VWC2: variants seen among roughly 807,000 people sequenced by gnomAD.
VWC2 encodes von Willebrand factor C domain containing 2, also known as brorin.
VWC2 carries 14 observed loss-of-function variants against 29.8 expected under a neutral mutation model. The ratio of observed to expected loss-of-function variants is 0.47; its 90% CI spans 0.31 to 0.74. The LOEUF is 0.74. Ranked by LOEUF, VWC2 falls within the 30% of genes least tolerant of loss-of-function variation. The pLI is 0.05. For synonymous variants in VWC2, 213 were observed against 199.0 expected (o/e 1.07, Z -0.59); for missense variants, 457 against 459.8 (o/e 0.99, Z 0.05).
chr7:49,846,946 G>C (rs761756756), intron 3 of VWC2, among the ~76,000 whole-genome samples: 6 of 152,200 alleles, frequency 3.9e-5, no homozygotes, highest in Non-Finnish European at 8.8e-5. Context: ...TTAGCAGTTT[G>C]ACAGATTGCA....
chr7:49,877,280 G>A (rs1329944261), intron 3 of VWC2, among the ~76,000 whole-genome samples: 1 of 150,792 alleles, frequency 6.6e-6, no homozygotes, highest in African/African-American at 2.4e-5. Flanking sequence ...TGGCCAACAT[G>A]GGGGAGCCCC....
chr7:49,828,512 A>G (rs1356307699), intron 3 of VWC2, among the ~76,000 whole-genome samples: 1 of 152,180 alleles, frequency 6.6e-6, no homozygotes, highest in African/African-American at 2.4e-5. Flanking sequence ...TAGTTGCTAA[A>G]CATCCTCACC....
chr7:49,885,938 G>C (rs1791885757), intron 3 of VWC2, among the ~76,000 whole-genome samples: 1 of 152,248 alleles, frequency 6.6e-6, no homozygotes, highest in South Asian at 2.1e-4. Flanking sequence ...GCTGTGCAGA[G>C]GAGTCTCCCC....
At chr7:49,818,229 C>T (rs1226571597) in intron 3 of VWC2, among the ~76,000 whole-genome samples, 2 of 152,082 alleles carry the variant, frequency 1.3e-5, no homozygotes, top group African/African-American at 4.8e-5. Context: ...GGATGGGGAG[C>T]CAAATTCACA....
At chr7:49,904,004 C>T (rs1306637491) in intron 3 of VWC2, among the ~76,000 whole-genome samples, 1 of 152,022 alleles carries the variant, frequency 6.6e-6, no homozygotes, top group Non-Finnish European at 1.5e-5. Flanking sequence ...GGCTGGTCAC[C>T]CCACCCTAAT....
chr7:49,862,725 A>AGTT (rs1333185071), intron 3 of VWC2, among the ~76,000 whole-genome samples: 7 of 145,474 alleles, frequency 4.8e-5, no homozygotes, highest in African/African-American at 1.9e-4. Context: ...GATGACCATG[A>AGTT]GTTTTTTTTT....
chr7:49,856,568 G>T (rs1317641225), intron 3 of VWC2, among the ~76,000 whole-genome samples: 1 of 152,126 alleles, frequency 6.6e-6, no homozygotes, highest in Non-Finnish European at 1.5e-5. Context: ...CTTTATTGAA[G>T]TATAATTGGT....
chr7:49,859,778 G>GA (rs1213547381), intron 3 of VWC2, among the ~76,000 whole-genome samples: 2 of 120,194 alleles, frequency 1.7e-5, no homozygotes, highest in Non-Finnish European at 3.4e-5. Context: ...GTGTCTTACA[G>GA]TGCGCGTGCG....
rs1793573617 is a variant in VWC2 at position 49,913,635 on chromosome 7, C to T, written c.*1450C>T. 6.6e-6 allele frequency: 1 copy of T among 152,052 alleles called. No individual in the cohort carries two copies. The highest frequency in any genetic ancestry group is 1.5e-5 in the Non-Finnish European group (1 of 68,018). 9.4% of individuals were successfully genotyped at this position (152,052 alleles called of 1,614,324 possible). On this transcript the variant is annotated 3_prime_UTR_variant, in exon 4 of 4. Coordinates refer to ENST00000340652, the MANE Select transcript of VWC2 (RefSeq NM_198570.5). ...AAGGGAATAAGGCTTGATTTCTTGC[C>T]TTCTTGGACTTTCGGTCTCTGGCAT...
At chr7:49,875,955 C>T (rs372176446) in intron 3 of VWC2, among the ~76,000 whole-genome samples, 74 of 152,152 alleles carry the variant, frequency 4.9e-4, no homozygotes, top group African/African-American at 1.6e-3. Flanking sequence ...AAGAATGAGT[C>T]GAAGAAATTG....
intron 3 of VWC2, among the ~76,000 whole-genome samples, chr7:49,857,616 T>A (rs1790478129): frequency 1.3e-5 from 2 of 151,904 alleles, no homozygotes; most frequent in Non-Finnish European, 2.9e-5. Context: ...CTCACAACTG[T>A]CAAAATGGCT....
At chr7:49,887,825 C>A (rs1683454162) in intron 3 of VWC2, among the ~76,000 whole-genome samples, 1 of 152,338 alleles carries the variant, frequency 6.6e-6, no homozygotes, top group Non-Finnish European at 1.5e-5. Context: ...TCCCATCCCC[C>A]AGAAATATCT....
chr7:49,801,451 CA>C (rs1788735372), intron 2 of VWC2, among the ~76,000 whole-genome samples: 1 of 152,176 alleles, frequency 6.6e-6, no homozygotes, highest in South Asian at 2.1e-4. Context: ...TCAGCCAGAT[CA>C]AAAATCACTC....
intron 3 of VWC2, among the ~76,000 whole-genome samples, chr7:49,818,065 C>T (rs1436358567): frequency 6.6e-6 from 1 of 152,138 alleles, no homozygotes; most frequent in Non-Finnish European, 1.5e-5. Context: ...GACTTTACCC[C>T]AAAGACAGCC....
rs1023745161 is a variant in VWC2, at chr7:49,775,840, C to T, written c.405C>T (p.Leu135=). Residue 135 remains leucine, a synonymous_variant, in exon 2 of 4, where the codon CTC becomes CTT. Transcript: ENST00000340652. Reference sequence around the variant, plus strand: ...CCCAGGACGCGATTGGCCCGGAACTCGCGCCCACGCCCGAGCCACCCGAGG... The same window carrying T: ...CCCAGGACGCGATTGGCCCGGAACTTGCGCCCACGCCCGAGCCACCCGAGG... The part of the protein sequence containing the change: ...AAAQDAIGPE[L]APTPEPPEEY... 1.3e-6 allele frequency: 2 copies of T among 1,549,830 alleles called. No individual in the cohort carries two copies. Among genetic ancestry groups the T allele is most frequent in the African/African-American group, 2.7e-5 (2 of 73,164 alleles).
chr7:49,834,770 G>A (rs1789618035), intron 3 of VWC2, among the ~76,000 whole-genome samples: 1 of 152,204 alleles, frequency 6.6e-6, no homozygotes, highest in Admixed American at 6.5e-5. Context: ...GTTTGGGACT[G>A]GCTGGAGGCC....
Position 49,773,749 on chromosome 7 carries a change from G to C in VWC2, c.-468G>C, listed in dbSNP as rs567221050. ...CCAGACATTCCGGCTGCCGGGTCTG[G>C]AGAGCTCCCCGAACCCCTCCGCGGA... On this transcript the variant is annotated 5_prime_UTR_variant, in exon 1 of 4. Coordinates refer to ENST00000340652, the MANE Select transcript of VWC2 (RefSeq NM_198570.5). The C allele has an allele frequency of 6.6e-5, 10 of 152,074 alleles. No individual in the cohort carries two copies. Among genetic ancestry groups the C allele is most frequent in the Non-Finnish European group, 1.2e-4 (8 of 68,100 alleles). The allele number at this position is 152,074 out of a possible 1,614,324, so 9.4% of individuals were successfully genotyped here.
intron 2 of VWC2, among the ~76,000 whole-genome samples, chr7:49,799,065 TTGGCA>T (rs1788671175): frequency 6.6e-6 from 1 of 151,476 alleles, no homozygotes; most frequent in South Asian, 2.1e-4. Context: ...GCTCAGGGGG[TTGGCA>T]TGGCTGAAAA....
Position 49,802,711 on chromosome 7 carries a change from G to A in VWC2, c.697G>A (p.Val233Met), listed in dbSNP as rs375100335. The A allele has an allele frequency of 1.2e-6, 2 of 1,614,204 alleles. No individual in the cohort carries two copies. The highest frequency in any genetic ancestry group is 1.7e-5 in the Admixed American group (1 of 60,030). Residue 233 changes from valine to methionine, a missense_variant and splice_region_variant, in exon 3 of 4, where the codon GTG becomes ATG. Val to Met is a conservative substitution (Grantham distance 21, BLOSUM62 1). This residue lies in a region of VWC2 where 185 missense variants were observed against 257.1 expected (regional missense o/e 0.72). Coordinates refer to ENST00000340652, the MANE Select transcript of VWC2 (RefSeq NM_198570.5). ...KTYQTLEEFV[V>M]SPCERCRCEA... ...TGCTGATTGTGGGCTTGTGTTTCAG[G>A]TGTCTCCATGCGAGAGGTGTCGCTG...
Sources: gnomAD v4.1 joint callset for allele counts (sites outside exome capture counted in the v4.1 genomes callset) on GRCh38, gnomAD v4.1.1 for gene constraint, gnomAD v4.1.1 regional missense constraint, MANE v1.5 for transcripts, NCBI Gene and HGNC (gene_info 2026-07-23, HGNC 2026-07-21) for gene names.